Variants in ATP11A observed in about 807,000 individuals in gnomAD.
ATP11A encodes ATPase phospholipid transporting 11A, also known as phospholipid-transporting ATPase IH.
In ATP11A, 81 loss-of-function variants were observed where a neutral mutation model predicts 154.4. The observed-to-expected ratio is 0.52, with a 90% confidence interval of 0.44 to 0.63. ATP11A has a LOEUF of 0.63. ATP11A is among the 30% of genes least tolerant of loss of function. The pLI, the probability that ATP11A is intolerant of heterozygous loss-of-function variation, is 0.00. For synonymous variants in ATP11A, 623 were observed against 585.9 expected (o/e 1.06, Z -0.91); for missense variants, 1,316 against 1,474.3 (o/e 0.89, Z 1.76).
At chr13:112,768,937 C>T (rs1044485786) in intron 1 of ATP11A, among the ~76,000 whole-genome samples, 1 of 152,204 alleles carries the variant, frequency 6.6e-6, no homozygotes, top group Admixed American at 6.5e-5. Flanking sequence ...CTCTTGTCTT[C>T]ACCTGCAGTT....
At position 112,751,832 on chromosome 13, in the gene ATP11A, G is replaced by A. The variant is rs577611432; in HGVS notation, c.40-33303G>A. Among the ~76,000 whole-genome samples, 195 of 151,600 alleles carry A rather than the reference G, an allele frequency of 1.3e-3. No individual in the cohort carries two copies. In the East Asian group the frequency reaches 0.013, roughly 10 times the overall value. ...GCAGCCTGGTTCCAGTGATTCTCCCGCCTCAGAGTGCTGGGACTACAGGCA... is the reference window on the plus strand; with the variant it reads ...GCAGCCTGGTTCCAGTGATTCTCCCACCTCAGAGTGCTGGGACTACAGGCA... On this transcript the variant is annotated intron_variant, in intron 1 of 29. Transcript: ENST00000375645.
intron 4 of ATP11A, 125 bp from the exon 5 acceptor site, chr13:112,810,494 T>TA: frequency 1.3e-6 from 1 of 762,246 alleles, no homozygotes; most frequent in Non-Finnish European, 2.2e-6. Context: ...TGCTGAAAAA[T>TA]ACACCCCCAC....
At chr13:112,700,155 G>A (rs1450957601) in intron 1 of ATP11A, among the ~76,000 whole-genome samples, 1 of 150,976 alleles carries the variant, frequency 6.6e-6, no homozygotes, top group Non-Finnish European at 1.5e-5. Flanking sequence ...AAAACGATTT[G>A]ATCAAAGGCA....
intron 13 of ATP11A, among the ~76,000 whole-genome samples, chr13:112,831,795 C>G (rs544894393): frequency 9.2e-5 from 14 of 152,354 alleles, no homozygotes; most frequent in African/African-American, 3.4e-4. Context: ...TGCACCCAGA[C>G]ACCATGTGCA....
At chr13:112,824,543 G>T in intron 10 of ATP11A, 118 bp downstream of exon 10, 2 of 885,422 alleles carry the variant, frequency 2.3e-6, no homozygotes, top group Non-Finnish European at 3.7e-6. Context: ...CAGCATCTTA[G>T]TAACTGCAGA....
At chr13:112,843,950 T>C (rs550661717) in intron 17 of ATP11A, among the ~76,000 whole-genome samples, 7 of 152,184 alleles carry the variant, frequency 4.6e-5, no homozygotes, top group African/African-American at 1.7e-4. Flanking sequence ...ATCTGGAAAA[T>C]ACATCACTGA....
At chr13:112,844,546 C>T (rs11839421) in intron 17 of ATP11A, among the ~76,000 whole-genome samples, 49,727 of 151,992 alleles carry the variant, frequency 0.33, 8,677 homozygotes, top group African/African-American at 0.44. Context: ...ACTGCAGATT[C>T]GTGCCCACCT....
chr13:112,737,644 C>A (rs945158905), intron 1 of ATP11A, among the ~76,000 whole-genome samples: 2 of 152,204 alleles, frequency 1.3e-5, no homozygotes, highest in Non-Finnish European at 2.9e-5. Flanking sequence ...CCTCGTCTGC[C>A]TTCTCCTTTT....
chr13:112,744,541 T>C (rs1472179366), intron 1 of ATP11A, among the ~76,000 whole-genome samples: 1 of 152,216 alleles, frequency 6.6e-6, no homozygotes, highest in Non-Finnish European at 1.5e-5. Context: ...TGAAAGCTGA[T>C]TGTTAGCTGC....
At chr13:112,869,979 C>T (rs959385953) in intron 25 of ATP11A, among the ~76,000 whole-genome samples, 3 of 152,210 alleles carry the variant, frequency 2.0e-5, no homozygotes, top group African/African-American at 7.2e-5. Context: ...CCCTCCACCC[C>T]CCCATCCAAA....
chr13:112,719,299 T>C (rs1764561551), intron 1 of ATP11A, among the ~76,000 whole-genome samples: 1 of 152,232 alleles, frequency 6.6e-6, no homozygotes, highest in Non-Finnish European at 1.5e-5. Context: ...CAAAAGCAAG[T>C]CAATATAAAA....
At chr13:112,801,392 A>G (rs1340973215) in intron 2 of ATP11A, among the ~76,000 whole-genome samples, 3 of 151,664 alleles carry the variant, frequency 2.0e-5, no homozygotes, top group African/African-American at 7.3e-5. Flanking sequence ...AAAGGCAAGA[A>G]ATCCCTTATC....
chr13:112,830,961 T>C (rs1182099887), intron 12 of ATP11A, among the ~76,000 whole-genome samples: 1 of 152,184 alleles, frequency 6.6e-6, no homozygotes, highest in Non-Finnish European at 1.5e-5. Context: ...TCGTCCTCTC[T>C]GTAGCCTTGG....
At chr13:112,732,299 A>T (rs1358862201) in intron 1 of ATP11A, among the ~76,000 whole-genome samples, 1 of 152,228 alleles carries the variant, frequency 6.6e-6, no homozygotes, top group East Asian at 1.9e-4. Flanking sequence ...ACTTGGCATA[A>T]AAATGTAAGA....
At chr13:112,765,151 TCC>T (rs5806961) in intron 1 of ATP11A, among the ~76,000 whole-genome samples, 89 of 123,874 alleles carry the variant, frequency 7.2e-4, no homozygotes, top group African/African-American at 2.4e-3. Flanking sequence ...TTGCCCCCCC[TCC>T]CCCCCGCCCC....
In ATP11A at chr13:112,875,677, A is replaced by C; in HGVS notation, c.3162-99A>C. 2 of 1,364,868 alleles carry C rather than the reference A, an allele frequency of 1.5e-6. No homozygotes were observed. The highest frequency in any genetic ancestry group is 2.0e-6 in the Non-Finnish European group (2 of 1,006,818). The allele number at this position is 1,364,868 out of a possible 1,614,324, so 84.5% of individuals were successfully genotyped here. On this transcript the variant is annotated intron_variant, in intron 27 of 29. Transcript: ENST00000375645. This position sits in a 1 kb window ranked among gnomAD's most constrained non-coding sequence, Gnocchi z 4.1. ...CTTGCCAAGCAACTCTCACTGACAAAAGTGTAAACTCCCTGAACAGACGGC... is the reference window on the plus strand; with the variant it reads ...CTTGCCAAGCAACTCTCACTGACAACAGTGTAAACTCCCTGAACAGACGGC...
chr13:112,765,583 C>T (rs910159857), intron 1 of ATP11A, among the ~76,000 whole-genome samples: 3 of 152,230 alleles, frequency 2.0e-5, no homozygotes, highest in African/African-American at 4.8e-5. Context: ...CAGGAAGAAG[C>T]GCTCAGTCGA....
At chr13:112,704,049 A>G (rs1886876760) in intron 1 of ATP11A, among the ~76,000 whole-genome samples, 1 of 152,166 alleles carries the variant, frequency 6.6e-6, no homozygotes, top group Admixed American at 6.5e-5. Context: ...TGGAAGTTGC[A>G]CTTGAAATGC....
At chr13:112,851,988 A>G (rs1198765159) in intron 18 of ATP11A, 4 of 152,256 alleles carry the variant, frequency 2.6e-5, no homozygotes, top group African/African-American at 9.6e-5. Context: ...AATAATCATC[A>G]TAACTGGCAA....
Sources: gnomAD v4.1 joint callset for allele counts (sites outside exome capture counted in the v4.1 genomes callset) on GRCh38, gnomAD v4.1.1 for gene constraint, Gnocchi (gnomAD v3.1) non-coding constraint, MANE v1.5 for transcripts, NCBI Gene and HGNC (gene_info 2026-07-23, HGNC 2026-07-21) for gene names.